CMIP: variants seen among roughly 807,000 people sequenced by gnomAD.
CMIP encodes C-Maf-inducing protein.
CMIP carries 13 observed loss-of-function variants against 97.3 expected under a neutral mutation model. The ratio of observed to expected loss-of-function variants is 0.13; its 90% CI spans 0.09 to 0.21. The LOEUF (loss-of-function observed/expected upper bound fraction) is 0.21. Among genes scored for constraint, CMIP ranks in the 10% least tolerant of loss-of-function variants. The pLI is 1.00. For missense variants in CMIP, 847 were observed against 1,024.9 expected (o/e 0.83, Z 2.37); for synonymous variants, 538 against 436.3 (o/e 1.23, Z -2.91).
In CMIP at chr16:81,578,740, C is replaced by G. The variant is rs1006766730; in HGVS notation, c.301-28827C>G. Among the ~76,000 whole-genome samples, 6 of 152,378 alleles carry G rather than the reference C, an allele frequency of 3.9e-5. 2 individuals are homozygous for G. The highest frequency in any genetic ancestry group is 3.9e-4 in the Admixed American group (6 of 15,312). On this transcript the variant is annotated intron_variant, in intron 1 of 20. Coordinates refer to ENST00000537098, the MANE Select transcript of CMIP (RefSeq NM_198390.3). ...GTGCATACATCCTCTGTGTCCCTCT[C>G]TGGGGACCATGGCCTGGAAGCAGCC...
chr16:81,508,666 A>G lies in CMIP; in HGVS notation c.300+63125A>G, dbSNP rs570562055. Reference sequence around the variant, plus strand: ...GGTTATGCACCTCTGGAATATTGATAGGTATTTACAGACTGCATTGGGAGT... The same window carrying G: ...GGTTATGCACCTCTGGAATATTGATGGGTATTTACAGACTGCATTGGGAGT... On this transcript the variant is annotated intron_variant, in intron 1 of 20. Coordinates refer to ENST00000537098, the MANE Select transcript of CMIP (RefSeq NM_198390.3). 2.8e-3 allele frequency among the ~76,000 whole-genome samples: 434 copies of G among 152,366 alleles called. 1 individual carries two copies. The highest frequency in any genetic ancestry group is 9.9e-3 in the African/African-American group (410 of 41,586).
At chr16:81,579,191 G>A (rs2091253770) in intron 1 of CMIP, among the ~76,000 whole-genome samples, 1 of 152,192 alleles carries the variant, frequency 6.6e-6, no homozygotes. Flanking sequence ...ATGATAAGGG[G>A]TTACTTCTTA....
rs374273456 is a variant in CMIP, at chr16:81,621,422, TC to T, written c.477+497del. ...CTCTACATAGGATGGTTCAGAGCTT[TC>T]TGGCACATAAAGGGAACTTCATCTT... On this transcript the variant is annotated intron_variant, in intron 3 of 20. Coordinates refer to ENST00000537098, the MANE Select transcript of CMIP (RefSeq NM_198390.3). The surrounding 1 kb of genome is among the most constrained non-coding windows in gnomAD (Gnocchi z 4.1). 1.7e-4 allele frequency: 26 copies of T among 154,446 alleles called. No homozygotes were observed. In the South Asian group the frequency reaches 5.0e-3, roughly 30 times the overall value. 9.6% of individuals were successfully genotyped at this position (154,446 alleles called of 1,614,324 possible).
chr16:81,605,832 C>G (rs1467314383), intron 1 of CMIP, among the ~76,000 whole-genome samples: 1 of 152,258 alleles, frequency 6.6e-6, no homozygotes, highest in Non-Finnish European at 1.5e-5. Context: ...TTATTCACTG[C>G]TGAATCTCCA....
intron 1 of CMIP, among the ~76,000 whole-genome samples, chr16:81,587,195 G>A (rs564425257): frequency 1.3e-5 from 2 of 152,350 alleles, no homozygotes; most frequent in African/African-American, 2.4e-5. Flanking sequence ...TCATTACCAC[G>A]GGGCAGGGTC....
intron 1 of CMIP, among the ~76,000 whole-genome samples, chr16:81,522,089 C>A (rs994666492): frequency 1.3e-5 from 2 of 152,210 alleles, no homozygotes; most frequent in Non-Finnish European, 2.9e-5. Context: ...TCCATTCACA[C>A]TTGATAAGGC....
chr16:81,510,730 T>G (rs1231172622), intron 1 of CMIP, among the ~76,000 whole-genome samples: 3 of 152,206 alleles, frequency 2.0e-5, no homozygotes, highest in African/African-American at 7.2e-5. Flanking sequence ...TTGTTTTGTT[T>G]TTTTGGTGAG....
At chr16:81,471,773 C>T (rs1402635025) in intron 1 of CMIP, among the ~76,000 whole-genome samples, 1 of 152,164 alleles carries the variant, frequency 6.6e-6, no homozygotes. Flanking sequence ...CACCATGATA[C>T]CATGGCAGTG....
At chr16:81,463,576 C>A (rs1420620528) in intron 1 of CMIP, among the ~76,000 whole-genome samples, 2 of 152,232 alleles carry the variant, frequency 1.3e-5, no homozygotes, top group Non-Finnish European at 2.9e-5. Flanking sequence ...TTCAAGCCGG[C>A]TCTCTGCCCA....
chr16:81,483,577 C>T (rs895592536), intron 1 of CMIP, among the ~76,000 whole-genome samples: 5 of 151,166 alleles, frequency 3.3e-5, no homozygotes, highest in Non-Finnish European at 5.9e-5. Context: ...CTTCCTCTTC[C>T]TCTTCCTCTT....
intron 5 of CMIP, among the ~76,000 whole-genome samples, chr16:81,660,653 A>C (rs1003374362): frequency 1.3e-5 from 2 of 152,220 alleles, no homozygotes; most frequent in Non-Finnish European, 2.9e-5. Context: ...TGCCCTCTTT[A>C]GAAACACCTT....
intron 1 of CMIP, among the ~76,000 whole-genome samples, chr16:81,549,225 G>A (rs958531005): frequency 1.3e-5 from 2 of 152,212 alleles, no homozygotes; most frequent in Non-Finnish European, 2.9e-5. Context: ...AGGAGCACCT[G>A]GGTGACCAGC....
At chr16:81,599,747 TG>T (rs1370327143) in intron 1 of CMIP, among the ~76,000 whole-genome samples, 5 of 152,342 alleles carry the variant, frequency 3.3e-5, no homozygotes, top group South Asian at 2.1e-4. Flanking sequence ...AGACATCCCC[TG>T]CTCTGTGCCT....
At chr16:81,610,450 G>C in intron 2 of CMIP, 3 of 986,114 alleles carry the variant, frequency 3.0e-6, no homozygotes, top group South Asian at 9.4e-5. Flanking sequence ...GGAGGAGGCG[G>C]CTTGCAACTC....
intron 1 of CMIP, among the ~76,000 whole-genome samples, chr16:81,496,691 A>G (rs150707244): frequency 2.0e-5 from 3 of 152,388 alleles, no homozygotes; most frequent in African/African-American, 7.2e-5. Flanking sequence ...GAGAAGGTTC[A>G]TAAAGGCACA....
chr16:81,690,562 G>A (rs1029767352), intron 10 of CMIP, among the ~76,000 whole-genome samples: 1 of 152,178 alleles, frequency 6.6e-6, no homozygotes, highest in Non-Finnish European at 1.5e-5. Context: ...AGAGTGCAGT[G>A]GGGTGATCTC....
chr16:81,587,660 G>C (rs2091404405), intron 1 of CMIP, among the ~76,000 whole-genome samples: 1 of 152,212 alleles, frequency 6.6e-6, no homozygotes, highest in Non-Finnish European at 1.5e-5. Context: ...GGGAATCTCA[G>C]CCGTCTCTGC....
chr16:81,470,162 AAAG>A (rs1907436515), intron 1 of CMIP, among the ~76,000 whole-genome samples: 1 of 152,256 alleles, frequency 6.6e-6, no homozygotes, highest in Non-Finnish European at 1.5e-5. Flanking sequence ...GAGAATTTCA[AAAG>A]AAGATGTTGA....
chr16:81,513,257 A>G (rs186397672), intron 1 of CMIP, among the ~76,000 whole-genome samples: 1 of 152,248 alleles, frequency 6.6e-6, no homozygotes, highest in African/African-American at 2.4e-5. Context: ...CCAGACCCAG[A>G]GTGTGGGGCT....
Sources: allele counts gnomAD v4.1 joint callset (sites outside exome capture counted in the v4.1 genomes callset), GRCh38; gene constraint gnomAD v4.1.1; non-coding constraint Gnocchi (gnomAD v3.1); transcripts MANE v1.5; gene names NCBI Gene and HGNC (gene_info 2026-07-23, HGNC 2026-07-21).